The following GRM1 variants were observed in gnomAD, a reference collection of about 807,000 sequenced individuals.
The protein encoded by GRM1 is metabotropic glutamate receptor 1.
GRM1 carries 33 observed loss-of-function variants against 90.9 expected under a neutral mutation model. That is an observed-to-expected ratio of 0.36 (90% CI 0.28 to 0.49). The LOEUF (loss-of-function observed/expected upper bound fraction) is 0.49. GRM1 is among the 20% of genes least tolerant of loss of function. The pLI is 0.99. For synonymous variants in GRM1, 700 were observed against 613.2 expected (o/e 1.14, Z -2.09); for missense variants, 1,190 against 1,534.3 (o/e 0.78, Z 3.75).
chr6:146,323,434 G>A (rs572747335), intron 3 of GRM1, among the ~76,000 whole-genome samples: 5 of 152,172 alleles, frequency 3.3e-5, no homozygotes, highest in South Asian at 2.1e-4. Context: ...TTTTGATGGG[G>A]TTGTTTGTTT....
chr6:146,346,038 C>T lies in GRM1; in HGVS notation c.1187-6212C>T, dbSNP rs551145756. Among the ~76,000 whole-genome samples the T allele has an allele frequency of 4.6e-5, 7 of 152,310 alleles. No individual in the cohort carries two copies. In the South Asian group the frequency reaches 1.5e-3, roughly 32 times the overall value. On this transcript the variant is annotated intron_variant, in intron 3 of 7. Coordinates refer to ENST00000282753, the MANE Select transcript of GRM1 (RefSeq NM_001278064.2). Reference sequence around the variant, plus strand: ...TTTCCTCTCTTATAGAAACAAAGAGCCCCACAATTCAACTGTTACTGATTG... The same window carrying T: ...TTTCCTCTCTTATAGAAACAAAGAGTCCCACAATTCAACTGTTACTGATTG...
chr6:146,250,886 A>G (rs1781245421), intron 2 of GRM1, among the ~76,000 whole-genome samples: 1 of 152,242 alleles, frequency 6.6e-6, no homozygotes, highest in Non-Finnish European at 1.5e-5. Flanking sequence ...AATTACATAA[A>G]GGTGAGAAAA....
chr6:146,362,664 CAAA>C (rs11432508), intron 5 of GRM1, among the ~76,000 whole-genome samples: 3,601 of 86,214 alleles, frequency 0.042, 177 homozygotes, highest in African/African-American at 0.12. Flanking sequence ...GACTCCATCT[CAAA>C]AAAAAAAAAA....
intron 2 of GRM1, among the ~76,000 whole-genome samples, chr6:146,193,941 T>C (rs966379547): frequency 6.7e-6 from 1 of 148,842 alleles, no homozygotes; most frequent in Non-Finnish European, 1.5e-5. Flanking sequence ...TTTTATGAAA[T>C]ACTGCCAGAT....
intron 2 of GRM1, among the ~76,000 whole-genome samples, chr6:146,192,867 A>AGGTG (rs1405413980): frequency 6.6e-6 from 1 of 152,160 alleles, no homozygotes; most frequent in Admixed American, 6.5e-5. Flanking sequence ...TGTGGGCTCT[A>AGGTG]GGTGGGCACA....
At chr6:146,239,283 T>G (rs1318672412) in intron 2 of GRM1, among the ~76,000 whole-genome samples, 1 of 152,178 alleles carries the variant, frequency 6.6e-6, no homozygotes, top group Non-Finnish European at 1.5e-5. Context: ...CTAAAAAATG[T>G]ATCTACGAAG....
chr6:146,338,386 C>G (rs1418978745), intron 3 of GRM1, among the ~76,000 whole-genome samples: 4 of 152,210 alleles, frequency 2.6e-5, no homozygotes, highest in Non-Finnish European at 5.9e-5. Flanking sequence ...TCTATCTTAT[C>G]CCGTTTGAAT....
chr6:146,405,295 G>A (rs1777306291), intron 7 of GRM1, among the ~76,000 whole-genome samples: 1 of 152,126 alleles, frequency 6.6e-6, no homozygotes, highest in Admixed American at 6.6e-5. Flanking sequence ...GTTATGACAT[G>A]AGAAAAGAAG....
rs148396896 is a variant in GRM1 at position 146,397,998 on chromosome 6, T to A, written c.1730-771T>A. ...GGGGTTGTCCCAGAGCCTGACAAAT[T>A]TTTCTCTCACTCTGAAATACAAAAT... On this transcript the variant is annotated intron_variant, in intron 6 of 7. Coordinates refer to ENST00000282753, the MANE Select transcript of GRM1 (RefSeq NM_001278064.2). Among the ~76,000 whole-genome samples, 339 of 152,322 alleles carry A rather than the reference T, an allele frequency of 2.2e-3. 5 individuals are homozygous for A. The highest frequency in any genetic ancestry group is 7.2e-3 in the African/African-American group (299 of 41,554).
intron 3 of GRM1, among the ~76,000 whole-genome samples, chr6:146,336,570 G>C (rs754263230): frequency 5.3e-4 from 80 of 152,278 alleles, no homozygotes; most frequent in Non-Finnish European, 7.8e-4. Flanking sequence ...GCAGCTGTGG[G>C]TTGATTTTAG....
intron 1 of GRM1, among the ~76,000 whole-genome samples, chr6:146,061,403 T>TA (rs1480547324): frequency 6.6e-6 from 1 of 152,092 alleles, no homozygotes; most frequent in Non-Finnish European, 1.5e-5. Flanking sequence ...TTATTGTGCA[T>TA]CACAGATATT....
chr6:146,338,370 A>G (rs181127125), intron 3 of GRM1, among the ~76,000 whole-genome samples: 8 of 152,324 alleles, frequency 5.3e-5, no homozygotes, highest in African/African-American at 1.2e-4. Context: ...CAAGTCCTCT[A>G]TGTGGTCTAT....
intron 1 of GRM1, among the ~76,000 whole-genome samples, chr6:146,086,001 A>G (rs1035478103): frequency 3.3e-5 from 5 of 152,158 alleles, no homozygotes; most frequent in African/African-American, 9.7e-5. Flanking sequence ...GGATATAGAA[A>G]TATAAGTTGT....
intron 4 of GRM1, among the ~76,000 whole-genome samples, chr6:146,354,441 A>T (rs362878): frequency 0.2 from 30,245 of 152,200 alleles, 3,313 homozygotes; most frequent in South Asian, 0.27. Flanking sequence ...TTGACACTTC[A>T]TGTATTCAAG....
At chr6:146,152,149 G>A (rs1348638651) in intron 1 of GRM1, among the ~76,000 whole-genome samples, 1 of 151,974 alleles carries the variant, frequency 6.6e-6, no homozygotes, top group African/African-American at 2.4e-5. Flanking sequence ...AATCTTGTAG[G>A]GGTATGCCAG....
At chr6:146,216,754 G>T (rs1010474618) in intron 2 of GRM1, among the ~76,000 whole-genome samples, 2 of 152,182 alleles carry the variant, frequency 1.3e-5, no homozygotes, top group Non-Finnish European at 2.9e-5. Flanking sequence ...ACACGCTGAA[G>T]TCAAGTTATC....
chr6:146,177,699 A>AT (rs1362049585), intron 2 of GRM1, among the ~76,000 whole-genome samples: 1 of 151,968 alleles, frequency 6.6e-6, no homozygotes. Flanking sequence ...CATTAAATGC[A>AT]TTTTTGCAAT....
chr6:146,273,983 G>C (rs1255091932), intron 2 of GRM1, among the ~76,000 whole-genome samples: 1 of 152,176 alleles, frequency 6.6e-6, no homozygotes, highest in Non-Finnish European at 1.5e-5. Flanking sequence ...ATGTGATTAT[G>C]CAGATGCATA....
rs1583500310 is a variant in GRM1 at position 146,436,414 on chromosome 6, A to T, written c.*1618A>T. 2 of 152,256 alleles carry T rather than the reference A, an allele frequency of 1.3e-5. No homozygotes were observed. The highest frequency in any genetic ancestry group is 4.1e-4 in the South Asian group (2 of 4,834). The allele number at this position is 152,256 out of a possible 1,614,324, so 9.4% of individuals were successfully genotyped here. On this transcript the variant is annotated 3_prime_UTR_variant, in exon 8 of 8. Transcript: ENST00000282753. The stretch of plus-strand genomic sequence containing the variant: ...CTTGCACACATTATTAACACATAAG[A>T]TTGAACAAAGCATTTAGATTATTCC...
Sources: allele counts gnomAD v4.1 joint callset (sites outside exome capture counted in the v4.1 genomes callset), GRCh38; gene constraint gnomAD v4.1.1; transcripts MANE v1.5; gene names NCBI Gene and HGNC (gene_info 2026-07-23, HGNC 2026-07-21).